HPCAL1: variants seen among roughly 807,000 people sequenced by gnomAD.
The protein encoded by HPCAL1 is hippocalcin like 1.
HPCAL1 carries 8 observed loss-of-function variants against 17.1 expected under a neutral mutation model. The ratio of observed to expected loss-of-function variants is 0.47; its 90% confidence interval spans 0.27 to 0.84. The LOEUF (loss-of-function observed/expected upper bound fraction) is 0.84, where lower values mean the gene tolerates loss of function less well. HPCAL1 is among the 40% of genes least tolerant of loss of function. HPCAL1 has a pLI of 0.13. For synonymous variants in HPCAL1, 112 were observed against 111.4 expected (o/e 1.01, Z -0.03); for missense variants, 165 against 271.1 (o/e 0.61, Z 2.75).
At chr2:10,353,251 C>T (rs187659868) in intron 1 of HPCAL1, among the ~76,000 whole-genome samples, 1 of 152,286 alleles carries the variant, frequency 6.6e-6, no homozygotes, top group East Asian at 1.9e-4. Context: ...GCCTGTGTTG[C>T]GCATGGGACC....
intron 1 of HPCAL1, among the ~76,000 whole-genome samples, chr2:10,391,674 T>C (rs927362242): frequency 6.6e-6 from 1 of 152,240 alleles, no homozygotes; most frequent in Non-Finnish European, 1.5e-5. Flanking sequence ...TCTGTCTCTG[T>C]TCTGGACATT....
intron 1 of HPCAL1, among the ~76,000 whole-genome samples, chr2:10,336,106 G>A (rs1235106679): frequency 6.7e-6 from 1 of 149,322 alleles, no homozygotes; most frequent in Non-Finnish European, 1.5e-5. Context: ...CGTATCTTCT[G>A]CTGTAAATTA....
At chr2:10,305,288 GTGTTT>G (rs1441154000) in intron 1 of HPCAL1, among the ~76,000 whole-genome samples, 2 of 152,058 alleles carry the variant, frequency 1.3e-5, no homozygotes, top group African/African-American at 4.8e-5. Context: ...ACCCAGGTTT[GTGTTT>G]TGTTTTGTTT....
chr2:10,361,523 C>A (rs1446711951), intron 1 of HPCAL1, among the ~76,000 whole-genome samples: 2 of 152,106 alleles, frequency 1.3e-5, no homozygotes, highest in Non-Finnish European at 2.9e-5. Context: ...TTCATTAATT[C>A]TTTTAAACTG....
intron 1 of HPCAL1, among the ~76,000 whole-genome samples, chr2:10,349,823 C>G (rs144501464): frequency 3.7e-4 from 54 of 145,774 alleles, no homozygotes; most frequent in South Asian, 3.2e-3. Flanking sequence ...TCTCTTGATA[C>G]AGGGCCAAGA....
rs115218216 is a variant in HPCAL1, at chr2:10,397,112, G to A, written c.-25+192G>A. Among the ~76,000 whole-genome samples, 582 of 152,264 alleles carry A rather than the reference G, an allele frequency of 3.8e-3. 7 individuals carry two copies. Among genetic ancestry groups the A allele is most frequent in the African/African-American group, 0.013 (560 of 41,530 alleles). ...TAGACAGGTCAGGAAACTGCGGCTC[G>A]GAAATGCAGAGAAACAGCCCCCCAG... is the stretch of plus-strand genomic sequence containing the variant. On this transcript the variant is annotated intron_variant, in intron 2 of 4. Transcript: ENST00000307845.
At chr2:10,311,164 C>T (rs1182320219) in intron 1 of HPCAL1, among the ~76,000 whole-genome samples, 1 of 152,084 alleles carries the variant, frequency 6.6e-6, no homozygotes, top group African/African-American at 2.4e-5. Flanking sequence ...TGTCCCCCCG[C>T]CCCCCAATCC....
intron 1 of HPCAL1, among the ~76,000 whole-genome samples, chr2:10,387,932 G>A (rs901751324): frequency 1.3e-5 from 2 of 152,154 alleles, no homozygotes; most frequent in Non-Finnish European, 2.9e-5. Context: ...TCTTGCCACT[G>A]AAATCACAGG....
chr2:10,408,620 C>T (rs146071973), intron 2 of HPCAL1: 1 of 152,372 alleles, frequency 6.6e-6, no homozygotes, highest in Non-Finnish European at 1.5e-5. Context: ...AGCCCCTCCC[C>T]ACCAGCCTCA....
chr2:10,376,870 G>C (rs11490585), intron 1 of HPCAL1, among the ~76,000 whole-genome samples: 15,123 of 98,028 alleles, frequency 0.15, 4,811 homozygotes, highest in African/African-American at 0.52. Flanking sequence ...ACAATACATA[G>C]CGTATTGTAT....
rs772570681 is a variant in HPCAL1, at chr2:10,354,574, C to A, written c.-110-42261C>A. ...AGCAGAGCTCCCAGGGCTCATCGCACAGCCATGGCCGAGGTGTCGGGACTC... is the reference window on the plus strand; with the variant it reads ...AGCAGAGCTCCCAGGGCTCATCGCAAAGCCATGGCCGAGGTGTCGGGACTC... On this transcript the variant is annotated intron_variant, in intron 1 of 4. Coordinates refer to ENST00000307845, the MANE Select transcript of HPCAL1 (RefSeq NM_002149.4). This position sits in a 1 kb window ranked among gnomAD's most constrained non-coding sequence, Gnocchi z 5.1. Among the ~76,000 whole-genome samples the A allele has an allele frequency of 1.3e-5, 2 of 152,258 alleles. No homozygotes were observed. Among genetic ancestry groups the A allele is most frequent in the Non-Finnish European group, 2.9e-5 (2 of 68,050 alleles).
chr2:10,346,625 A>G (rs1306623530), intron 1 of HPCAL1, among the ~76,000 whole-genome samples: 2 of 152,202 alleles, frequency 1.3e-5, no homozygotes, highest in African/African-American at 4.8e-5. Context: ...GCTGAGACCC[A>G]CAGACCCGGG....
intron 1 of HPCAL1, among the ~76,000 whole-genome samples, chr2:10,318,252 C>T (rs1311161938): frequency 6.6e-6 from 1 of 152,110 alleles, no homozygotes; most frequent in Non-Finnish European, 1.5e-5. Context: ...ACAGAGCATC[C>T]CACAGTGGCA....
At chr2:10,368,335 G>A (rs1666992897) in intron 1 of HPCAL1, among the ~76,000 whole-genome samples, 1 of 150,624 alleles carries the variant, frequency 6.6e-6, no homozygotes, top group East Asian at 2.0e-4. Context: ...TGTGTGTGCA[G>A]TGTGTGTAGG....
At chr2:10,409,996 C>T (rs1205267718) in intron 2 of HPCAL1, among the ~76,000 whole-genome samples, 2 of 151,872 alleles carry the variant, frequency 1.3e-5, no homozygotes, top group Non-Finnish European at 2.9e-5. Flanking sequence ...CACCATGTTG[C>T]TCAGGCTGGT....
chr2:10,398,824 C>T (rs541140298), intron 2 of HPCAL1, among the ~76,000 whole-genome samples: 1 of 152,222 alleles, frequency 6.6e-6, no homozygotes, highest in African/African-American at 2.4e-5. Flanking sequence ...GGGGCCTCAG[C>T]CTCAGGGTGC....
intron 1 of HPCAL1, among the ~76,000 whole-genome samples, chr2:10,347,090 A>G (rs1003626630): frequency 6.6e-6 from 1 of 152,124 alleles, no homozygotes; most frequent in African/African-American, 2.4e-5. Context: ...AGAAGTCTCT[A>G]GAGAGCCCCG....
At chr2:10,421,986 C>G (rs569615145) in intron 3 of HPCAL1, among the ~76,000 whole-genome samples, 28 of 152,146 alleles carry the variant, frequency 1.8e-4, no homozygotes, top group Non-Finnish European at 3.5e-4. Context: ...CAGGAATCAC[C>G]CGTCCTGTCC....
At chr2:10,400,477 C>T (rs1669530278) in intron 2 of HPCAL1, among the ~76,000 whole-genome samples, 3 of 152,224 alleles carry the variant, frequency 2.0e-5, no homozygotes, top group Admixed American at 2.0e-4. Context: ...GCTTGCCTCC[C>T]CTCTAGTGCT....
Sources: gnomAD v4.1 joint callset for allele counts (sites outside exome capture counted in the v4.1 genomes callset) on GRCh38, gnomAD v4.1.1 for gene constraint, Gnocchi (gnomAD v3.1) non-coding constraint, MANE v1.5 for transcripts, NCBI Gene and HGNC (gene_info 2026-07-23, HGNC 2026-07-21) for gene names.